The following ARHGAP28 variants were observed in gnomAD, a reference collection of about 807,000 sequenced individuals.
The protein encoded by ARHGAP28 is rho GTPase-activating protein 28.
In ARHGAP28, 56 loss-of-function variants were observed where a neutral mutation model predicts 90.7. The ratio of observed to expected loss-of-function variants is 0.62; its 90% CI spans 0.50 to 0.77. ARHGAP28 has a LOEUF of 0.77. Ranked by LOEUF, ARHGAP28 falls within the 30% of genes least tolerant of loss-of-function variation. The probability of loss-of-function intolerance (pLI) is 0.00; values close to 1 mark genes in which losing one functional copy is unlikely to be tolerated. For synonymous variants in ARHGAP28, 308 were observed against 323.3 expected (o/e 0.95, Z 0.51); for missense variants, 869 against 900.9 (o/e 0.96, Z 0.45).
At position 6,915,498 on chromosome 18, in the gene ARHGAP28, TTACA is replaced by T. The variant is rs1042396618; in HGVS notation, c.*3349_*3352del. 2.8e-5 allele frequency: 4 copies of T among 141,428 alleles called. No individual in the cohort carries two copies. The Admixed American group carries it at 2.9e-4, about 10-fold the overall frequency. The allele number at this position is 141,428 out of a possible 1,614,324, so 8.8% of individuals were successfully genotyped here. On this transcript the variant is annotated 3_prime_UTR_variant, in exon 18 of 18. Coordinates refer to ENST00000383472, the MANE Select transcript of ARHGAP28 (RefSeq NM_001366230.1). ...AAGCATTTTTAACAGTTTTACACAC[TTACA>T]TACACCTTAATTAAAAATTTTTTTC... is the stretch of plus-strand genomic sequence containing the variant.
At position 6,837,504 on chromosome 18, in the gene ARHGAP28, T is replaced by C; in HGVS notation, c.543+90T>C. 6 of 960,210 alleles carry C rather than the reference T, an allele frequency of 6.2e-6. No individual in the cohort carries two copies. In the South Asian group the frequency reaches 7.9e-5, roughly 13 times the overall value. 59.5% of individuals were successfully genotyped at this position (960,210 alleles called of 1,614,324 possible). On this transcript the variant is annotated intron_variant, in intron 3 of 17. Coordinates refer to ENST00000383472, the MANE Select transcript of ARHGAP28 (RefSeq NM_001366230.1). Reference sequence around the variant, plus strand: ...GCTGGGGTGGAAAAAATATCAGAAATGTCTGCTTGGGTGGTTCCATTCTAA... The same window carrying C: ...GCTGGGGTGGAAAAAATATCAGAAACGTCTGCTTGGGTGGTTCCATTCTAA...
intron 1 of ARHGAP28, among the ~76,000 whole-genome samples, chr18:6,794,751 TAG>T (rs2056429738): frequency 6.6e-6 from 1 of 152,158 alleles, no homozygotes; most frequent in Admixed American, 6.5e-5. Context: ...ACACAGATCA[TAG>T]CTCACTGCAG....
chr18:6,842,665 C>A (rs1024534253), intron 3 of ARHGAP28, among the ~76,000 whole-genome samples: 1 of 152,018 alleles, frequency 6.6e-6, no homozygotes, highest in African/African-American at 2.4e-5. Context: ...TAAGAAATGA[C>A]TAGATTGACA....
At chr18:6,836,890 CT>C (rs2056757880) in intron 2 of ARHGAP28, among the ~76,000 whole-genome samples, 1 of 151,906 alleles carries the variant, frequency 6.6e-6, no homozygotes, top group African/African-American at 2.4e-5. Context: ...TATAGTTTTA[CT>C]TTAAATATTC....
At chr18:6,839,588 C>CAT (rs1567965553) in intron 3 of ARHGAP28, among the ~76,000 whole-genome samples, 7 of 152,150 alleles carry the variant, frequency 4.6e-5, no homozygotes, top group East Asian at 1.9e-4. Flanking sequence ...TGAGCCACTG[C>CAT]GCCCGGCCAT....
intron 1 of ARHGAP28, among the ~76,000 whole-genome samples, chr18:6,798,947 TTAATC>T (rs1380406239): frequency 8.5e-5 from 13 of 152,236 alleles, no homozygotes; most frequent in Admixed American, 8.5e-4. Context: ...GATGTCAAAA[TTAATC>T]TAATGTCATT....
At chr18:6,857,349 C>T (rs2056961766) in intron 4 of ARHGAP28, among the ~76,000 whole-genome samples, 1 of 152,162 alleles carries the variant, frequency 6.6e-6, no homozygotes, top group Non-Finnish European at 1.5e-5. Context: ...ATAACAGACT[C>T]CTGTATAAAT....
intron 3 of ARHGAP28, among the ~76,000 whole-genome samples, chr18:6,844,822 A>G (rs1600239919): frequency 6.6e-6 from 1 of 152,348 alleles, no homozygotes; most frequent in Middle Eastern, 3.4e-3. Flanking sequence ...TTATATGGAA[A>G]CAGTGAAGAA....
chr18:6,866,633 A>T (rs2057040107), intron 5 of ARHGAP28, among the ~76,000 whole-genome samples: 1 of 152,210 alleles, frequency 6.6e-6, no homozygotes, highest in African/African-American at 2.4e-5. Context: ...TGTAAGTGTT[A>T]TTCTGTTCTT....
chr18:6,909,854 C>T (rs2057386567), intron 17 of ARHGAP28, among the ~76,000 whole-genome samples: 1 of 152,100 alleles, frequency 6.6e-6, no homozygotes, highest in Admixed American at 6.5e-5. Flanking sequence ...CCTCCTCTCA[C>T]CAGCACCCTC....
At chr18:6,857,977 G>C (rs2056967209) in intron 4 of ARHGAP28, among the ~76,000 whole-genome samples, 1 of 152,128 alleles carries the variant, frequency 6.6e-6, no homozygotes, top group Non-Finnish European at 1.5e-5. Context: ...TAGGATGCAG[G>C]CTCCTCAAAT....
chr18:6,802,335 C>CTTTTTTT lies in ARHGAP28; in HGVS notation c.123-22405_123-22399dup, dbSNP rs35950139. Among the ~76,000 whole-genome samples, 99 of 52,764 alleles carry CTTTTTTT rather than the reference C, an allele frequency of 1.9e-3. 11 individuals carry two copies. The highest frequency in any genetic ancestry group is 2.2e-3 in the Non-Finnish European group (62 of 28,050). The allele number at this position is 52,764 out of a possible 152,430, so 34.6% of individuals were successfully genotyped here. ...GGATCATATGGATCATATGGTAGTT[C>CTTTTTTT]TTTTTTTTTTTTTTTTTTTTTTTTT... On this transcript the variant is annotated intron_variant, in intron 1 of 17. Transcript: ENST00000383472.
chr18:6,839,343 G>A (rs569955472), intron 3 of ARHGAP28, among the ~76,000 whole-genome samples: 1 of 145,720 alleles, frequency 6.9e-6, no homozygotes, highest in Non-Finnish European at 1.5e-5. Context: ...GCCCAGGCTG[G>A]AGTGCAGTGG....
At chr18:6,886,767 G>A (rs2057224551) in intron 11 of ARHGAP28, among the ~76,000 whole-genome samples, 1 of 152,134 alleles carries the variant, frequency 6.6e-6, no homozygotes, top group South Asian at 2.1e-4. Context: ...CTAAATCTGT[G>A]TTCCTAATAC....
intron 12 of ARHGAP28, 130 bp from the exon 13 acceptor site, chr18:6,889,758 G>C (rs2057249695): frequency 1.3e-6 from 1 of 790,424 alleles, no homozygotes; most frequent in Non-Finnish European, 2.1e-6. Context: ...GGGGAAACAT[G>C]GTACGTTTAA....
intron 2 of ARHGAP28, among the ~76,000 whole-genome samples, chr18:6,829,527 A>G (rs1199349116): frequency 6.6e-6 from 1 of 152,160 alleles, no homozygotes; most frequent in African/African-American, 2.4e-5. Flanking sequence ...TCCTTGAAGC[A>G]TTTGCACAGA....
intron 1 of ARHGAP28, among the ~76,000 whole-genome samples, chr18:6,779,196 G>T (rs2056306326): frequency 6.6e-6 from 1 of 152,144 alleles, no homozygotes; most frequent in Non-Finnish European, 1.5e-5. Flanking sequence ...TTTGGGTCCA[G>T]ATATTATTGA....
intron 1 of ARHGAP28, among the ~76,000 whole-genome samples, chr18:6,801,239 G>A (rs1389232050): frequency 6.6e-6 from 1 of 152,100 alleles, no homozygotes. Context: ...TGAATTTCTA[G>A]TTGTTCCAGT....
At chr18:6,735,033 C>T (rs143900081) in intron 1 of ARHGAP28, among the ~76,000 whole-genome samples, 412 of 152,280 alleles carry the variant, frequency 2.7e-3, no homozygotes, top group South Asian at 8.5e-3. Context: ...CATTTTTAAG[C>T]TGCTCACTTC....
Sources: allele counts gnomAD v4.1 joint callset (sites outside exome capture counted in the v4.1 genomes callset), GRCh38; gene constraint gnomAD v4.1.1; transcripts MANE v1.5; gene names NCBI Gene and HGNC (gene_info 2026-07-23, HGNC 2026-07-21).